The following LYST variants were observed in gnomAD, a reference collection of about 807,000 sequenced individuals.
The protein encoded by LYST is lysosomal trafficking regulator.
In LYST, 192 loss-of-function variants were observed where a neutral mutation model predicts 413.6. The observed-to-expected ratio is 0.46, with a 90% CI of 0.41 to 0.52. The LOEUF is 0.52. Ranked by LOEUF, LYST falls within the 20% of genes least tolerant of loss-of-function variation. LYST has a pLI of 0.00. For synonymous variants in LYST, 1,525 were observed against 1,567.3 expected (o/e 0.97, Z 0.64); for missense variants, 3,815 against 4,499.9 (o/e 0.85, Z 4.35).
intron 1 of LYST, among the ~76,000 whole-genome samples, chr1:235,864,105 T>A (rs1441793449): frequency 6.6e-6 from 1 of 152,118 alleles, no homozygotes; most frequent in African/African-American, 2.4e-5. Flanking sequence ...TTTTAGCAAT[T>A]TTCCATCCAC....
intron 14 of LYST, among the ~76,000 whole-genome samples, chr1:235,784,876 G>A (rs9970842): frequency 0.029 from 4,431 of 152,232 alleles, 200 homozygotes; most frequent in African/African-American, 0.1. Context: ...GATCGAGAAC[G>A]TCACAGACAG....
intron 3 of LYST, among the ~76,000 whole-genome samples, chr1:235,819,540 T>C (rs756306622): frequency 6.6e-6 from 1 of 152,212 alleles, no homozygotes; most frequent in African/African-American, 2.4e-5. Flanking sequence ...AAGTTCCCAA[T>C]GTGCCATATT....
At chr1:235,775,732 T>G (rs1669167954) in intron 17 of LYST, among the ~76,000 whole-genome samples, 2 of 151,566 alleles carry the variant, frequency 1.3e-5, no homozygotes, top group African/African-American at 4.8e-5. Flanking sequence ...AATAAAGGGG[T>G]GGCTAAGGCA....
intron 20 of LYST, 86 bp from the exon 21 acceptor site, chr1:235,766,363 A>G: frequency 1.0e-6 from 1 of 977,152 alleles, no homozygotes; most frequent in Non-Finnish European, 1.6e-6. Context: ...ATTCTTTTTA[A>G]GATAGAATTC....
chr1:235,725,989 T>C (rs1663833612), intron 38 of LYST, among the ~76,000 whole-genome samples: 1 of 152,220 alleles, frequency 6.6e-6, no homozygotes, highest in Non-Finnish European at 1.5e-5. Context: ...TTTTGTAAAT[T>C]GTAACTGAAT....
intron 43 of LYST, among the ~76,000 whole-genome samples, chr1:235,709,679 CA>C (rs1662246889): frequency 6.7e-6 from 1 of 150,066 alleles, no homozygotes; most frequent in Non-Finnish European, 1.5e-5. Flanking sequence ...TGATTAGAAT[CA>C]AACTAAGGCT....
intron 1 of LYST, among the ~76,000 whole-genome samples, chr1:235,879,878 G>A (rs1395445120): frequency 6.6e-6 from 1 of 152,028 alleles, no homozygotes; most frequent in Non-Finnish European, 1.5e-5. Flanking sequence ...CTGGGATTAT[G>A]GGCATGCGCC....
chr1:235,882,809 G>A (rs942903110), intron 1 of LYST, among the ~76,000 whole-genome samples: 1 of 152,136 alleles, frequency 6.6e-6, no homozygotes, highest in African/African-American at 2.4e-5. Context: ...CATCCCACAT[G>A]AGTCCATCTG....
Position 235,674,008 on chromosome 1 carries a change from A to G in LYST, c.11038+3083T>C, listed in dbSNP as rs1402410205. Among the ~76,000 whole-genome samples, 1 of 152,112 alleles carries G rather than the reference A, an allele frequency of 6.6e-6. No homozygotes were observed. The highest frequency in any genetic ancestry group is 1.5e-5 in the Non-Finnish European group (1 of 68,016). On this transcript the variant is annotated intron_variant, in intron 50 of 52. Coordinates refer to ENST00000389793, the MANE Select transcript of LYST (RefSeq NM_000081.4). The surrounding 1 kb of genome is among the most constrained non-coding windows in gnomAD (Gnocchi z 4.1). ...TGGTCCTCCGACCCACAGAATATGA[A>G]CTGCATAGCAGCTCTCTTCCAAGAC...
rs559751044 is a variant in LYST, at chr1:235,806,029, T to G, written c.3107A>C (p.Glu1036Ala). ...RISQPKRTMK[E>A]DLLSLAIKSD... Reference sequence around the variant, plus strand: ...TTTTATAGCCAAAGATAATAAATCTTCCTTCATAGTTCTCTTAGGTTGAGA... The same window carrying G: ...TTTTATAGCCAAAGATAATAAATCTGCCTTCATAGTTCTCTTAGGTTGAGA... The change falls in exon 6 of 53, where the codon GAA becomes GCA. Residue 1036 changes from glutamate to alanine, a missense_variant. Physicochemically the swap from Glu to Ala is moderately radical, Grantham distance 107. Around this residue, in one of 4 missense-constraint regions of LYST, gnomAD observed 1,648 missense variants for 1,810.3 expected, o/e 0.91. Coordinates refer to ENST00000389793, the MANE Select transcript of LYST (RefSeq NM_000081.4). 22 of 1,613,978 alleles carry G rather than the reference T, an allele frequency of 1.4e-5. No individual in the cohort carries two copies. In the East Asian group the frequency reaches 4.7e-4, roughly 34 times the overall value.
intron 45 of LYST, among the ~76,000 whole-genome samples, chr1:235,701,739 T>C (rs1023908701): frequency 1.3e-5 from 2 of 152,214 alleles, no homozygotes; most frequent in Non-Finnish European, 2.9e-5. Context: ...AAACAAAAAA[T>C]ATAGTTTTCT....
At chr1:235,800,753 G>T in intron 9 of LYST, 118 bp downstream of exon 9, 1 of 731,668 alleles carries the variant, frequency 1.4e-6, no homozygotes, top group Non-Finnish European at 2.3e-6. Flanking sequence ...TGAGGTACCA[G>T]AAAAGATAAG....
intron 13 of LYST, among the ~76,000 whole-genome samples, chr1:235,788,122 T>G (rs1369488636): frequency 3.9e-5 from 6 of 152,114 alleles, no homozygotes; most frequent in Admixed American, 6.5e-5. Flanking sequence ...AAACAGAGAA[T>G]TAATGTATTT....
chr1:235,726,136 T>G (rs1663845636), intron 38 of LYST, among the ~76,000 whole-genome samples: 1 of 152,160 alleles, frequency 6.6e-6, no homozygotes, highest in African/African-American at 2.4e-5. Context: ...TTTTTCCTTT[T>G]AAAAAAATTG....
Position 235,662,452 on chromosome 1 carries a change from C to A in LYST, c.*488G>T. ...TTTGCTTCTCAAAGAAAGCAATTAT[C>A]AAGTCCTAAAAATTATCTTTTTTTC... On this transcript the variant is annotated 3_prime_UTR_variant, in exon 53 of 53. Coordinates refer to ENST00000389793, the MANE Select transcript of LYST (RefSeq NM_000081.4). 6.0e-6 allele frequency: 1 copy of A among 168,062 alleles called. No homozygotes were observed. Among genetic ancestry groups the A allele is most frequent in the Admixed American group, 5.7e-5 (1 of 17,456 alleles). 10.4% of individuals were successfully genotyped at this position (168,062 alleles called of 1,614,324 possible).
At chr1:235,805,528 A>C (rs1446338754) in intron 6 of LYST, among the ~76,000 whole-genome samples, 1 of 151,760 alleles carries the variant, frequency 6.6e-6, no homozygotes, top group African/African-American at 2.4e-5. Flanking sequence ...TATTCATCTG[A>C]CACTTATAAA....
chr1:235,794,994 G>A (rs1303866962), intron 10 of LYST, among the ~76,000 whole-genome samples: 2 of 152,160 alleles, frequency 1.3e-5, no homozygotes, highest in African/African-American at 4.8e-5. Flanking sequence ...TGTGGGGGCA[G>A]TGGGCATTGG....
rs117039531 is a variant in LYST at position 235,836,935 on chromosome 1, T to C, written c.-97-3268A>G. ...AGGGAAGCTGGAACTAGTGAATCAA[T>C]TTGGGAATCATCAGGATATCATCAA... On this transcript the variant is annotated intron_variant, in intron 1 of 52. Transcript: ENST00000389793. 1.6e-3 allele frequency among the ~76,000 whole-genome samples: 251 copies of C among 152,280 alleles called. 2 individuals carry two copies. In the East Asian group the frequency reaches 0.02, roughly 12 times the overall value.
chr1:235,689,047 C>CAACAACAATAAT (rs1553265863), intron 47 of LYST, among the ~76,000 whole-genome samples: 1 of 141,458 alleles, frequency 7.1e-6, no homozygotes, highest in African/African-American at 2.6e-5. Context: ...ACAACAACAA[C>CAACAACAATAAT]AATAATATCC....
Sources: allele counts gnomAD v4.1 joint callset (sites outside exome capture counted in the v4.1 genomes callset), GRCh38; gene constraint gnomAD v4.1.1; regional missense constraint gnomAD v4.1.1; non-coding constraint Gnocchi (gnomAD v3.1); transcripts MANE v1.5; gene names NCBI Gene and HGNC (gene_info 2026-07-23, HGNC 2026-07-21).